EPHA6: variants seen among roughly 807,000 people sequenced by gnomAD.
EPHA6 encodes the protein ephrin type-A receptor 6.
Under a neutral mutation model 112.0 loss-of-function variants are expected in EPHA6, and 50 were observed. The observed-to-expected ratio is 0.45, with a 90% CI of 0.36 to 0.56. The LOEUF (loss-of-function observed/expected upper bound fraction) is 0.56, where lower values mean the gene tolerates loss of function less well. Among genes scored for constraint, EPHA6 ranks in the 20% least tolerant of loss-of-function variants. EPHA6 has a pLI of 0.00. For synonymous variants in EPHA6, 529 were observed against 490.7 expected, an observed-to-expected ratio of 1.08 and a Z score of -1.03; for missense variants, 1,280 against 1,417.4, an observed-to-expected ratio of 0.90 and a Z score of 1.56.
chr3:97,299,984 G>C (rs1231221005), intron 5 of EPHA6, among the ~76,000 whole-genome samples: 1 of 152,050 alleles, frequency 6.6e-6, no homozygotes, highest in Admixed American at 6.6e-5. Flanking sequence ...AGTATAATAG[G>C]AAAATTAGGA....
In EPHA6 at chr3:97,384,245, AATGTTGG is replaced by A. The variant is rs537588827; in HGVS notation, c.1607-20902_1607-20896del. On this transcript the variant is annotated intron_variant, in intron 5 of 17. Transcript: ENST00000389672. ...TAATATACATATTCCTCACAACCTG[AATGTTGG>A]ATATTATATTATTATTTCAAGTTCT... 2.6e-3 allele frequency among the ~76,000 whole-genome samples: 391 copies of A among 152,330 alleles called. 1 individual carries two copies. The highest frequency in any genetic ancestry group is 4.7e-3 in the Non-Finnish European group (320 of 68,036).
At chr3:97,461,438 T>C (rs1224120441) in intron 7 of EPHA6, among the ~76,000 whole-genome samples, 1 of 152,156 alleles carries the variant, frequency 6.6e-6, no homozygotes, top group African/African-American at 2.4e-5. Context: ...CTTTCTAAGG[T>C]TCCTGTGAGT....
At chr3:97,533,816 A>G (rs1441185193) in intron 11 of EPHA6, among the ~76,000 whole-genome samples, 1 of 152,084 alleles carries the variant, frequency 6.6e-6, no homozygotes, top group Non-Finnish European at 1.5e-5. Context: ...GCCAATATCC[A>G]CATCTGAACT....
chr3:97,449,392 A>G (rs1055643006), intron 7 of EPHA6, among the ~76,000 whole-genome samples: 2 of 152,146 alleles, frequency 1.3e-5, no homozygotes, highest in Non-Finnish European at 2.9e-5. Flanking sequence ...CTTTTGCCAG[A>G]CATCTTTATG....
intron 2 of EPHA6, among the ~76,000 whole-genome samples, chr3:96,968,129 A>G (rs960667414): frequency 6.6e-6 from 1 of 151,566 alleles, no homozygotes; most frequent in Non-Finnish European, 1.5e-5. Flanking sequence ...ATTTTCTATT[A>G]ACTTATAAAC....
chr3:97,199,425 C>G (rs933530802), intron 3 of EPHA6, among the ~76,000 whole-genome samples: 1 of 152,228 alleles, frequency 6.6e-6, no homozygotes, highest in South Asian at 2.1e-4. Context: ...ACCCCCTACC[C>G]GTTTCAGAGA....
chr3:96,838,718 T>G (rs573481124), intron 1 of EPHA6, among the ~76,000 whole-genome samples: 1 of 152,250 alleles, frequency 6.6e-6, no homozygotes, highest in Non-Finnish European at 1.5e-5. Context: ...ACTAAAATTC[T>G]TAGTGGTTCA....
intron 1 of EPHA6, among the ~76,000 whole-genome samples, chr3:96,863,627 C>G (rs919394647): frequency 1.3e-5 from 2 of 151,864 alleles, no homozygotes; most frequent in Non-Finnish European, 2.9e-5. Flanking sequence ...AGCATTTGCA[C>G]TATAATAGGT....
intron 10 of EPHA6, among the ~76,000 whole-genome samples, chr3:97,517,076 G>A (rs1048960929): frequency 1.3e-5 from 2 of 152,130 alleles, no homozygotes; most frequent in Non-Finnish European, 1.5e-5. Flanking sequence ...TAGGAGACAT[G>A]ATGGGATCGG....
chr3:97,271,982 G>A (rs2079898275), intron 5 of EPHA6, among the ~76,000 whole-genome samples: 1 of 152,124 alleles, frequency 6.6e-6, no homozygotes, highest in Non-Finnish European at 1.5e-5. Flanking sequence ...ACAGTATACA[G>A]TATTGTTAAC....
chr3:97,345,971 G>A (rs982506695), intron 5 of EPHA6, among the ~76,000 whole-genome samples: 1 of 152,000 alleles, frequency 6.6e-6, no homozygotes, highest in Non-Finnish European at 1.5e-5. Context: ...TGAAAAAATT[G>A]TCACAAAAAT....
At chr3:97,012,502 A>G (rs1030480587) in intron 3 of EPHA6, among the ~76,000 whole-genome samples, 32 of 148,898 alleles carry the variant, frequency 2.1e-4, no homozygotes, top group Non-Finnish European at 4.2e-4. Context: ...ATGTATATTC[A>G]TATATATATG....
intron 15 of EPHA6, among the ~76,000 whole-genome samples, chr3:97,721,806 T>C (rs2034542792): frequency 6.6e-6 from 1 of 152,244 alleles, no homozygotes; most frequent in Non-Finnish European, 1.5e-5. Flanking sequence ...TCCTGGCTGC[T>C]TTTCCAGTTT....
intron 5 of EPHA6, among the ~76,000 whole-genome samples, chr3:97,371,204 A>G (rs1024529549): frequency 6.6e-6 from 1 of 151,982 alleles, no homozygotes; most frequent in Non-Finnish European, 1.5e-5. Flanking sequence ...TGCAAGCTTT[A>G]TGTTTTTAAA....
intron 5 of EPHA6, among the ~76,000 whole-genome samples, chr3:97,277,695 A>G (rs1214751290): frequency 6.6e-6 from 1 of 152,212 alleles, no homozygotes; most frequent in Admixed American, 6.5e-5. Flanking sequence ...CTAAACAAAG[A>G]AAAGATACAA....
intron 5 of EPHA6, among the ~76,000 whole-genome samples, chr3:97,328,080 A>ATATATATATATAG (rs2082572857): frequency 2.8e-5 from 2 of 71,392 alleles, no homozygotes; most frequent in African/African-American, 1.7e-4. Flanking sequence ...TATATATATA[A>ATATATATATATAG]CCTGTTTTGT....
intron 5 of EPHA6, among the ~76,000 whole-genome samples, chr3:97,373,227 C>T (rs188918507): frequency 3.6e-4 from 55 of 152,186 alleles, no homozygotes; most frequent in Non-Finnish European, 1.5e-5. Context: ...TATGAAGCAA[C>T]TGTAATAAAA....
intron 7 of EPHA6, among the ~76,000 whole-genome samples, chr3:97,461,935 A>G (rs565415720): frequency 1.3e-5 from 2 of 152,288 alleles, no homozygotes; most frequent in Admixed American, 6.5e-5. Flanking sequence ...ATCACCTTGT[A>G]GATCCAGAAC....
intron 3 of EPHA6, among the ~76,000 whole-genome samples, chr3:97,111,005 T>C (rs1385454672): frequency 6.6e-6 from 1 of 152,132 alleles, no homozygotes; most frequent in Non-Finnish European, 1.5e-5. Flanking sequence ...AATATTTTTC[T>C]TAGAAATTTT....
Sources: allele counts gnomAD v4.1 joint callset (sites outside exome capture counted in the v4.1 genomes callset), GRCh38; gene constraint gnomAD v4.1.1; transcripts MANE v1.5; gene names NCBI Gene and HGNC (gene_info 2026-07-23, HGNC 2026-07-21).